The following CLN6 variants were observed in gnomAD, a reference collection of about 807,000 sequenced individuals.
CLN6 encodes the protein CLN6 transmembrane ER protein, also known as ceroid-lipofuscinosis neuronal protein 6.
Under a neutral mutation model 33.3 loss-of-function variants are expected in CLN6, and 22 were observed. The observed-to-expected ratio is 0.66, with a 90% CI of 0.47 to 0.94. The LOEUF (loss-of-function observed/expected upper bound fraction) is 0.94, where lower values mean the gene tolerates loss of function less well. Ranked by LOEUF, CLN6 falls within the 40% of genes least tolerant of loss-of-function variation. The pLI, the probability that CLN6 is intolerant of heterozygous loss-of-function variation, is 0.00. For synonymous variants in CLN6, 201 were observed against 174.6 expected, an observed-to-expected ratio of 1.15 and a Z score of -1.19; for missense variants, 387 against 417.1, an observed-to-expected ratio of 0.93 and a Z score of 0.63.
Position 68,229,640 on chromosome 15 carries a change from C to T in CLN6, c.-56G>A, listed in dbSNP as rs2093263125. ...TTCCGAGGAAGAGACCGGTTCAGCTCGGCTGCCCCGGCGGAGGCCGCCGCA... is the reference window on the plus strand; with the variant it reads ...TTCCGAGGAAGAGACCGGTTCAGCTTGGCTGCCCCGGCGGAGGCCGCCGCA... On this transcript the variant is annotated 5_prime_UTR_variant, in exon 1 of 7. Transcript: ENST00000249806. The T allele has an allele frequency of 8.9e-6, 12 of 1,348,590 alleles. No homozygotes were observed. The South Asian group carries it at 1.7e-4, about 19-fold the overall frequency. The allele number at this position is 1,348,590 out of a possible 1,614,324, so 83.5% of individuals were successfully genotyped here. A position where few individuals can be genotyped will look rare whatever the true frequency, so the allele number is the denominator to read the frequency against.
chr15:68,249,657 GT>G (rs1892358945), intron 1 of CLN6, among the ~76,000 whole-genome samples: 5 of 152,212 alleles, frequency 3.3e-5, no homozygotes, highest in Non-Finnish European at 7.3e-5. Flanking sequence ...GACAGTAAGG[GT>G]GGGTGAGGGG....
rs950208284 is a variant in CLN6 at position 68,208,522 on chromosome 15, T to C, written c.666-112A>G. 2.6e-6 allele frequency: 3 copies of C among 1,174,618 alleles called. No homozygotes were observed. The African/African-American group carries it at 4.6e-5, about 18-fold the overall frequency. The allele number at this position is 1,174,618 out of a possible 1,614,324, so 72.8% of individuals were successfully genotyped here. A position where few individuals can be genotyped will look rare whatever the true frequency, so the allele number is the denominator to read the frequency against. On this transcript the variant is annotated intron_variant, in intron 6 of 6. Coordinates refer to ENST00000249806, the MANE Select transcript of CLN6 (RefSeq NM_017882.3). The surrounding 1 kb of genome is among the most constrained non-coding windows in gnomAD (Gnocchi z 5.8). ...CCTCCAGGCAGGCAGAAGAGTCCTC[T>C]GGTGCCAGGGCTCAGAGAACTATGC...
At chr15:68,234,335 G>A (rs552767821), upstream of CLN6, among the ~76,000 whole-genome samples, 17 of 152,294 alleles carry the variant, frequency 1.1e-4, no homozygotes, top group African/African-American at 3.1e-4. The surrounding 1 kb of genome is among the most constrained non-coding windows in gnomAD (Gnocchi z 4.1). Context: ...CAAAATTCCC[G>A]CGGAGGGATT....
chr15:68,240,947 G>A (rs1468784348), intron 1 of CLN6, among the ~76,000 whole-genome samples: 3 of 148,042 alleles, frequency 2.0e-5, no homozygotes, highest in Admixed American at 6.7e-5. Context: ...TCGCACCACT[G>A]CACTCCAGCC....
chr15:68,249,142 C>G (rs916638410), intron 1 of CLN6, among the ~76,000 whole-genome samples: 4 of 152,064 alleles, frequency 2.6e-5, no homozygotes, highest in African/African-American at 9.7e-5. Flanking sequence ...TAGCCTAGTT[C>G]GAATGACTTT....
chr15:68,245,087 A>G (rs1030708446), intron 1 of CLN6, among the ~76,000 whole-genome samples: 1 of 150,194 alleles, frequency 6.7e-6, no homozygotes, highest in Non-Finnish European at 1.5e-5. Flanking sequence ...GTGAATTGAG[A>G]CAACAAATAG....
rs1300191705 is a variant in CLN6, at chr15:68,234,970, T to C, written c.180-16320A>G. ...AGACGGAAGTTGCAGTGAGCCAAGA[T>C]TGTGCCACTGCACACCAGCCTGGGT... On this transcript the variant is annotated intron_variant, in intron 1 of 6. Coordinates refer to the CLN6 transcript ENST00000538696. The surrounding 1 kb of genome is among the most constrained non-coding windows in gnomAD (Gnocchi z 4.1). 2.6e-5 allele frequency among the ~76,000 whole-genome samples: 4 copies of C among 152,200 alleles called. No individual in the cohort carries two copies. Among genetic ancestry groups the C allele is most frequent in the Non-Finnish European group, 4.4e-5 (3 of 68,030 alleles).
At chr15:68,222,462 G>A (rs1395457113) in intron 1 of CLN6, among the ~76,000 whole-genome samples, 3 of 149,542 alleles carry the variant, frequency 2.0e-5, no homozygotes, top group African/African-American at 4.9e-5. Context: ...TCTGGGAGGT[G>A]AGGAGCGCCT....
chr15:68,215,883 A>C (rs1298131647), intron 2 of CLN6, among the ~76,000 whole-genome samples: 1 of 152,224 alleles, frequency 6.6e-6, no homozygotes, highest in Non-Finnish European at 1.5e-5. Context: ...GGTGTTCCCG[A>C]AACTGTCAGC....
chr15:68,225,078 C>G (rs2093248213), intron 1 of CLN6, among the ~76,000 whole-genome samples: 4 of 151,778 alleles, frequency 2.6e-5, no homozygotes, highest in Admixed American at 2.6e-4. Context: ...ATGGGGACCA[C>G]AGAGAGACTA....
upstream of CLN6, among the ~76,000 whole-genome samples, chr15:68,231,783 G>A (rs976625102): frequency 6.6e-6 from 1 of 152,246 alleles, no homozygotes; most frequent in African/African-American, 2.4e-5. Context: ...CTGGCAGGGG[G>A]CTGGGCCTTT....
At position 68,209,436 on chromosome 15, in the gene CLN6, C is replaced by T. The variant is rs1211790195; in HGVS notation, c.665+201G>A. Reference sequence around the variant, plus strand: ...GCCCTCTCCTCCCACCTCCCTGCCACACCCAGGCCTGGGCTTCATGGAAAC... The same window carrying T: ...GCCCTCTCCTCCCACCTCCCTGCCATACCCAGGCCTGGGCTTCATGGAAAC... On this transcript the variant is annotated intron_variant, in intron 6 of 6. Transcript: ENST00000249806. The surrounding 1 kb of genome is among the most constrained non-coding windows in gnomAD (Gnocchi z 4.9). Among the ~76,000 whole-genome samples, 2 of 152,208 alleles carry T rather than the reference C, an allele frequency of 1.3e-5. No homozygotes were observed. The highest frequency in any genetic ancestry group is 2.9e-5 in the Non-Finnish European group (2 of 68,032).
In CLN6 at chr15:68,247,286, T is replaced by A. The variant is rs1033314673; in HGVS notation, c.179+9404A>T. ...ACCTAAAGACTCCACCAAAAAACTG[T>A]TAGAACTGATAAACAAATGCAGTAA... is the stretch of plus-strand genomic sequence containing the variant. On this transcript the variant is annotated intron_variant, in intron 1 of 6. Transcript: ENST00000538696. The surrounding 1 kb of genome is among the most constrained non-coding windows in gnomAD (Gnocchi z 4.2). Among the ~76,000 whole-genome samples, 3 of 152,102 alleles carry A rather than the reference T, an allele frequency of 2.0e-5. No homozygotes were observed. The highest frequency in any genetic ancestry group is 4.4e-5 in the Non-Finnish European group (3 of 68,026).
intron 1 of CLN6, chr15:68,254,873 A>G: frequency 8.8e-7 from 1 of 1,134,916 alleles, no homozygotes. Flanking sequence ...GACCAGACAC[A>G]GAAAGCTGAA....
intron 1 of CLN6, among the ~76,000 whole-genome samples, chr15:68,229,113 G>A (rs1238475669): frequency 6.6e-6 from 1 of 152,150 alleles, no homozygotes; most frequent in African/African-American, 2.4e-5. Context: ...GGAACTTGCG[G>A]ATAAGTTGGG....
In CLN6 at chr15:68,210,717, G is replaced by A. The variant is rs2093202494; in HGVS notation, c.542+546C>T. 6.6e-6 allele frequency among the ~76,000 whole-genome samples: 1 copy of A among 152,158 alleles called. No individual in the cohort carries two copies. The highest frequency in any genetic ancestry group is 2.4e-5 in the African/African-American group (1 of 41,448). On this transcript the variant is annotated intron_variant, in intron 5 of 6. Coordinates refer to ENST00000249806, the MANE Select transcript of CLN6 (RefSeq NM_017882.3). The surrounding 1 kb of genome is among the most constrained non-coding windows in gnomAD (Gnocchi z 5.6). ...ATTTCTGAGGTCTCCCCCGACTGAG[G>A]GACGGGGTAGGTAGGAAAAGGTGCC...
At position 68,208,313 on chromosome 15, in the gene CLN6, G is replaced by C. The variant is rs1195840845; in HGVS notation, c.763C>G (p.Leu255Val). Residue 255 changes from leucine to valine, a missense_variant, in exon 7 of 7, where the codon CTG becomes GTG. Physicochemically the swap from Leu to Val is conservative, Grantham distance 32. Transcript: ENST00000249806. The surrounding 1 kb of genome is among the most constrained non-coding windows in gnomAD (Gnocchi z 5.8). ...VLHQKRKRLF[L>V]DSNGLFLFSS... The stretch of plus-strand genomic sequence containing the variant: ...AAGAGGAAGAGGCCGTTGCTGTCCA[G>C]GAAGAGGCGCTTGCGCTTCTGGTGC... 2 of 1,614,184 alleles carry C rather than the reference G, an allele frequency of 1.2e-6. No individual in the cohort carries two copies. The highest frequency in any genetic ancestry group is 1.7e-6 in the Non-Finnish European group (2 of 1,180,052).
At chr15:68,225,357 T>A (rs1422279927) in intron 1 of CLN6, among the ~76,000 whole-genome samples, 1 of 152,194 alleles carries the variant, frequency 6.6e-6, no homozygotes, top group African/African-American at 2.4e-5. Context: ...AGATAAAACA[T>A]GGAAGATAAT....
upstream of CLN6, among the ~76,000 whole-genome samples, chr15:68,230,032 G>A (rs2093265686): frequency 6.6e-6 from 1 of 152,208 alleles, no homozygotes; most frequent in Non-Finnish European, 1.5e-5. This position sits in a 1 kb window ranked among gnomAD's most constrained non-coding sequence, Gnocchi z 4.0. Context: ...TGCTCCCCGG[G>A]GCAGAGGGTT....
Sources: gnomAD v4.1 joint callset for allele counts (sites outside exome capture counted in the v4.1 genomes callset) on GRCh38, gnomAD v4.1.1 for gene constraint, Gnocchi (gnomAD v3.1) non-coding constraint, MANE v1.5 for transcripts, NCBI Gene and HGNC (gene_info 2026-07-23, HGNC 2026-07-21) for gene names.